Variants in RAPGEF1 observed in about 807,000 individuals in gnomAD.
RAPGEF1 encodes the protein Rap guanine nucleotide exchange factor 1, also known as CRK SH3-binding GNRP.
Under a neutral mutation model 143.3 loss-of-function variants are expected in RAPGEF1, and 33 were observed. The observed-to-expected ratio is 0.23, with a 90% CI of 0.17 to 0.31. RAPGEF1 has a LOEUF of 0.31. RAPGEF1 is among the 10% of genes least tolerant of loss of function. RAPGEF1 has a pLI of 1.00. For missense variants in RAPGEF1, 1,199 were observed against 1,645.4 expected (o/e 0.73, Z 4.69); for synonymous variants, 629 against 676.5 (o/e 0.93, Z 1.09).
chr9:131,689,830 G>A (rs1425588129), intron 1 of RAPGEF1, among the ~76,000 whole-genome samples: 3 of 152,198 alleles, frequency 2.0e-5, no homozygotes, highest in Non-Finnish European at 4.4e-5. Context: ...GAGCCACCGC[G>A]CTTGGCCAGT....
In RAPGEF1 at chr9:131,583,666, GT is replaced by G. The variant is rs1395095939; in HGVS notation, c.3414+644del. 6.6e-6 allele frequency among the ~76,000 whole-genome samples: 1 copy of G among 152,164 alleles called. No individual in the cohort carries two copies. Among genetic ancestry groups the G allele is most frequent in the African/African-American group, 2.4e-5 (1 of 41,428 alleles). ...TATTATTTCCCTACACAGGATAAAG[GT>G]CCAACTCCTCACCAGGCTCCTGAGG... On this transcript the variant is annotated intron_variant, in intron 24 of 26. Coordinates refer to ENST00000683357, the MANE Select transcript of RAPGEF1 (RefSeq NM_001377935.1). The surrounding 1 kb of genome is among the most constrained non-coding windows in gnomAD (Gnocchi z 4.7).
At chr9:131,687,243 T>G (rs2130980827) in intron 1 of RAPGEF1, among the ~76,000 whole-genome samples, 1 of 152,346 alleles carries the variant, frequency 6.6e-6, no homozygotes, top group East Asian at 1.9e-4. Flanking sequence ...CCCGCTTGAA[T>G]GCAGCGGCAC....
At chr9:131,624,429 C>T (rs1962299814) in intron 10 of RAPGEF1, among the ~76,000 whole-genome samples, 1 of 152,182 alleles carries the variant, frequency 6.6e-6, no homozygotes, top group Non-Finnish European at 1.5e-5. Flanking sequence ...GATTTTCAGC[C>T]ACTTGAGACT....
chr9:131,604,802 C>T, intron 13 of RAPGEF1, 129 bp downstream of exon 13: 3 of 1,178,026 alleles, frequency 2.5e-6, no homozygotes, highest in Non-Finnish European at 3.2e-6. Flanking sequence ...GCGCTGGCAG[C>T]CCCCAACTGC....
At chr9:131,589,794 G>A in intron 19 of RAPGEF1, 92 bp downstream of exon 19, 1 of 1,243,778 alleles carries the variant, frequency 8.0e-7, no homozygotes, top group African/African-American at 1.5e-5. Context: ...GCAAGAGCCA[G>A]CTCTGCCCAG....
At chr9:131,595,016 C>T (rs1954998383) in intron 17 of RAPGEF1, among the ~76,000 whole-genome samples, 1 of 152,276 alleles carries the variant, frequency 6.6e-6, no homozygotes. Flanking sequence ...AAGGGCTGCA[C>T]TCGGCGCTCA....
At chr9:131,680,369 G>T (rs1041583515) in intron 1 of RAPGEF1, among the ~76,000 whole-genome samples, 1 of 152,192 alleles carries the variant, frequency 6.6e-6, no homozygotes, top group African/African-American at 2.4e-5. Context: ...AAGGAGGAGA[G>T]GAGTGTTGGG....
intron 12 of RAPGEF1, among the ~76,000 whole-genome samples, chr9:131,615,043 G>T (rs1054025852): frequency 6.6e-6 from 1 of 152,162 alleles, no homozygotes; most frequent in Non-Finnish European, 1.5e-5. Context: ...AAGAAAGAAC[G>T]TACAAGAAAG....
chr9:131,720,535 C>T (rs75872184), intron 1 of RAPGEF1, among the ~76,000 whole-genome samples: 5 of 152,274 alleles, frequency 3.3e-5, no homozygotes, highest in East Asian at 1.9e-4. Flanking sequence ...CAGGTGCTGA[C>T]GTTTGAGAGC....
chr9:131,673,905 G>T (rs372211034), intron 1 of RAPGEF1, among the ~76,000 whole-genome samples: 1 of 152,188 alleles, frequency 6.6e-6, no homozygotes, highest in Non-Finnish European at 1.5e-5. Flanking sequence ...CAGTCCCCAT[G>T]TCCTCAGATC....
chr9:131,596,044 C>T (rs1955224939), intron 17 of RAPGEF1, among the ~76,000 whole-genome samples: 1 of 152,120 alleles, frequency 6.6e-6, no homozygotes, highest in Non-Finnish European at 1.5e-5. Flanking sequence ...TGCGCTGAGC[C>T]CCTCAAGGAC....
intron 1 of RAPGEF1, among the ~76,000 whole-genome samples, chr9:131,732,762 C>A (rs1837162448): frequency 6.6e-6 from 1 of 152,192 alleles, no homozygotes; most frequent in Admixed American, 6.5e-5. Context: ...AAAATTCATT[C>A]TATGATAATA....
At chr9:131,616,565 C>A (rs1314963188) in intron 12 of RAPGEF1, among the ~76,000 whole-genome samples, 2 of 152,182 alleles carry the variant, frequency 1.3e-5, no homozygotes, top group African/African-American at 4.8e-5. Context: ...AGGTTTAGTG[C>A]CCTACAAATT....
At chr9:131,698,822 T>C (rs1159521446) in intron 1 of RAPGEF1, among the ~76,000 whole-genome samples, 2 of 152,144 alleles carry the variant, frequency 1.3e-5, no homozygotes, top group African/African-American at 4.8e-5. Flanking sequence ...TGTAGACACT[T>C]GAGGAACCCT....
At position 131,580,513 on chromosome 9, in the gene RAPGEF1, G is replaced by A. The variant is rs535885564; in HGVS notation, c.3513-122C>T. On this transcript the variant is annotated intron_variant, in intron 25 of 26. Coordinates refer to ENST00000683357, the MANE Select transcript of RAPGEF1 (RefSeq NM_001377935.1). ...CTTCCAAACCCCAGAGCAAACCAAA[G>A]AGCCAGTCTGAGGTGTCTGTTTCCC... 228 of 1,183,424 alleles carry A rather than the reference G, an allele frequency of 1.9e-4. 2 individuals carry two copies. The South Asian group carries it at 3.0e-3, about 16-fold the overall frequency. The allele number at this position is 1,183,424 out of a possible 1,614,324, so 73.3% of individuals were successfully genotyped here. A position where few individuals can be genotyped will look rare whatever the true frequency, so the allele number is the denominator to read the frequency against.
chr9:131,734,690 C>T (rs371830955), intron 1 of RAPGEF1, among the ~76,000 whole-genome samples: 9 of 152,180 alleles, frequency 5.9e-5, no homozygotes, highest in African/African-American at 2.2e-4. Context: ...TCTAAGAGGA[C>T]CTCTTTCTCA....
At chr9:131,672,858 G>A (rs1295929410) in intron 1 of RAPGEF1, among the ~76,000 whole-genome samples, 1 of 152,002 alleles carries the variant, frequency 6.6e-6, no homozygotes, top group African/African-American at 2.4e-5. Context: ...CAACTAAGCA[G>A]TCACCCCTAC....
intron 10 of RAPGEF1, among the ~76,000 whole-genome samples, chr9:131,624,794 C>T (rs933419404): frequency 5.9e-5 from 9 of 152,228 alleles, no homozygotes; most frequent in Non-Finnish European, 1.3e-4. Context: ...AGCAAATATA[C>T]ACGACAGATG....
intron 1 of RAPGEF1, among the ~76,000 whole-genome samples, chr9:131,696,934 C>T (rs976976275): frequency 3.3e-5 from 5 of 152,230 alleles, no homozygotes; most frequent in East Asian, 1.9e-4. Context: ...CAAGCATTCT[C>T]GTATTCACGC....
Sources: gnomAD v4.1 joint callset for allele counts (sites outside exome capture counted in the v4.1 genomes callset) on GRCh38, gnomAD v4.1.1 for gene constraint, Gnocchi (gnomAD v3.1) non-coding constraint, MANE v1.5 for transcripts, NCBI Gene and HGNC (gene_info 2026-07-23, HGNC 2026-07-21) for gene names.